UBE2G1: variants seen among roughly 807,000 people sequenced by gnomAD.
The protein encoded by UBE2G1 is ubiquitin conjugating enzyme E2 G1.
In UBE2G1, 5 loss-of-function variants were observed where a neutral mutation model predicts 22.7. That is an observed-to-expected ratio of 0.22 (90% CI 0.12 to 0.46). The LOEUF is 0.46. Among genes scored for constraint, UBE2G1 ranks in the 20% least tolerant of loss-of-function variants. UBE2G1 has a pLI of 0.99. For synonymous variants in UBE2G1, 74 were observed against 67.5 expected (o/e 1.10, Z -0.47); for missense variants, 88 against 203.9 (o/e 0.43, Z 3.46).
intron 5 of UBE2G1, among the ~76,000 whole-genome samples, chr17:4,282,406 G>C (rs1364037092): frequency 6.6e-6 from 1 of 152,116 alleles, no homozygotes; most frequent in East Asian, 1.9e-4. Flanking sequence ...TAAAGGAATA[G>C]GTAGATGACT....
rs112241289 is a variant in UBE2G1, at chr17:4,336,184, T to C, written c.47-29061A>G. Among the ~76,000 whole-genome samples the C allele has an allele frequency of 6.1e-3, 934 of 152,068 alleles. 5 individuals carry two copies. The highest frequency in any genetic ancestry group is 0.022 in the African/African-American group (899 of 41,492). ...AGAAAGAAAACCAAAAGCAAACATATAGATGACAACAAAACAAATACACTA... is the reference window on the plus strand; with the variant it reads ...AGAAAGAAAACCAAAAGCAAACATACAGATGACAACAAAACAAATACACTA... On this transcript the variant is annotated intron_variant, in intron 1 of 5. Transcript: ENST00000396981.
Position 4,300,189 on chromosome 17 carries a change from G to A in UBE2G1, c.150-3375C>T, listed in dbSNP as rs368213497. Among the ~76,000 whole-genome samples, 81 of 151,970 alleles carry A rather than the reference G, an allele frequency of 5.3e-4. 1 individual carries two copies. The South Asian group carries it at 0.016, about 30-fold the overall frequency. ...GAGAAAGCCCAAAACCCATAGAGTA[G>A]AATAACACTGTAGACTACACATTAA... is the stretch of plus-strand genomic sequence containing the variant. On this transcript the variant is annotated intron_variant, in intron 2 of 5. Coordinates refer to ENST00000396981, the MANE Select transcript of UBE2G1 (RefSeq NM_003342.5).
At chr17:4,325,498 G>C (rs1567523845) in intron 1 of UBE2G1, among the ~76,000 whole-genome samples, 2 of 152,136 alleles carry the variant, frequency 1.3e-5, no homozygotes, top group Admixed American at 6.6e-5. Context: ...AAAGACAAAA[G>C]TAAAATAAAG....
intron 1 of UBE2G1, among the ~76,000 whole-genome samples, chr17:4,352,994 G>A (rs1028288314): frequency 1.4e-4 from 22 of 152,156 alleles, no homozygotes; most frequent in African/African-American, 5.1e-4. Flanking sequence ...TGAGACGGAC[G>A]GATCACGAGG....
At chr17:4,335,758 C>T (rs1969638540) in intron 1 of UBE2G1, among the ~76,000 whole-genome samples, 1 of 152,054 alleles carries the variant, frequency 6.6e-6, no homozygotes. Context: ...ACACAACCAC[C>T]AACGGTATCT....
chr17:4,296,903 A>G, intron 2 of UBE2G1, 89 bp from the exon 3 acceptor site: 2 of 1,093,732 alleles, frequency 1.8e-6, no homozygotes, highest in South Asian at 1.4e-5. Flanking sequence ...CAAGGGTGCT[A>G]GCACTAACAT....
Position 4,359,461 on chromosome 17 carries a change from G to C in UBE2G1, c.46+6810C>G, listed in dbSNP as rs113060512. 9.0e-4 allele frequency among the ~76,000 whole-genome samples: 137 copies of C among 152,232 alleles called. 1 individual carries two copies. The highest frequency in any genetic ancestry group is 3.1e-3 in the African/African-American group (129 of 41,544). ...CAAAAATTAACTTGTTGCAAATCTA[G>C]AACATAACTTTATAAAAAGAGGTAT... On this transcript the variant is annotated intron_variant, in intron 1 of 5. Coordinates refer to ENST00000396981, the MANE Select transcript of UBE2G1 (RefSeq NM_003342.5).
intron 1 of UBE2G1, among the ~76,000 whole-genome samples, chr17:4,322,239 TAAGA>T (rs762550550): frequency 1.4e-4 from 22 of 152,252 alleles, no homozygotes; most frequent in African/African-American, 4.8e-4. Flanking sequence ...CTTCTTGACA[TAAGA>T]AAGAAAGAAT....
chr17:4,360,806 G>A (rs185216092), intron 1 of UBE2G1, among the ~76,000 whole-genome samples: 45 of 152,350 alleles, frequency 3.0e-4, no homozygotes, highest in African/African-American at 1.1e-3. Flanking sequence ...AGCTACTGGG[G>A]AGGCTGAGGT....
chr17:4,310,813 G>A (rs991092920), intron 1 of UBE2G1, among the ~76,000 whole-genome samples: 16 of 152,074 alleles, frequency 1.1e-4, no homozygotes, highest in Admixed American at 7.9e-4. Flanking sequence ...AGTGTACCTC[G>A]AGTATATAGT....
intron 3 of UBE2G1, among the ~76,000 whole-genome samples, chr17:4,296,133 C>G (rs1434293768): frequency 6.6e-6 from 1 of 151,780 alleles, no homozygotes; most frequent in Non-Finnish European, 1.5e-5. Flanking sequence ...TGATAATTAT[C>G]CCCTCAATTA....
intron 1 of UBE2G1, chr17:4,364,276 A>G (rs1970004284): frequency 6.9e-6 from 1 of 144,022 alleles, no homozygotes; most frequent in Non-Finnish European, 1.5e-5. Context: ...AAAAAAAAAA[A>G]AAAATGCAAT....
chr17:4,331,138 C>G (rs1969572866), intron 1 of UBE2G1, among the ~76,000 whole-genome samples: 1 of 152,064 alleles, frequency 6.6e-6, no homozygotes, highest in Non-Finnish European at 1.5e-5. Context: ...CACTTTGATA[C>G]AGTTAATAGT....
At chr17:4,280,082 C>A (rs1044555271) in intron 5 of UBE2G1, among the ~76,000 whole-genome samples, 6 of 150,282 alleles carry the variant, frequency 4.0e-5, no homozygotes, top group Admixed American at 1.3e-4. Context: ...GTAGCCCAGG[C>A]TAGAGTGCAG....
At chr17:4,325,535 G>C (rs1370218311) in intron 1 of UBE2G1, among the ~76,000 whole-genome samples, 1 of 152,116 alleles carries the variant, frequency 6.6e-6, no homozygotes, top group Admixed American at 6.6e-5. Flanking sequence ...CTAAACAACT[G>C]AATCTTTTCC....
intron 1 of UBE2G1, among the ~76,000 whole-genome samples, chr17:4,359,721 G>A (rs949749820): frequency 5.3e-5 from 8 of 152,036 alleles, no homozygotes; most frequent in Admixed American, 1.3e-4. Context: ...GGGTGGTGGC[G>A]TGTGCCTGTA....
chr17:4,366,410 G>C lies in UBE2G1; in HGVS notation c.-94C>G. On this transcript the variant is annotated 5_prime_UTR_variant, in exon 1 of 6. Transcript: ENST00000396981. ...TGGAGCGGGGTGTGCCGAGGAACCC[G>C]GGCCCCGCGACCGGAGCGCCGGAGC... The C allele has an allele frequency of 1.6e-6, 2 of 1,276,690 alleles. No individual in the cohort carries two copies. Among genetic ancestry groups the C allele is most frequent in the Admixed American group, 3.8e-5 (1 of 26,242 alleles). The allele number at this position is 1,276,690 out of a possible 1,614,324, so 79.1% of individuals were successfully genotyped here.
At chr17:4,332,341 A>C (rs1266252259) in intron 1 of UBE2G1, among the ~76,000 whole-genome samples, 2 of 152,168 alleles carry the variant, frequency 1.3e-5, no homozygotes, top group Non-Finnish European at 2.9e-5. Context: ...CAGAAACAAA[A>C]AATAAAATAG....
intron 3 of UBE2G1, among the ~76,000 whole-genome samples, chr17:4,290,101 C>T (rs995603741): frequency 6.6e-6 from 1 of 151,952 alleles, no homozygotes; most frequent in Admixed American, 6.6e-5. Flanking sequence ...TAAAATATTA[C>T]TTATTCATTA....
Sources: allele counts gnomAD v4.1 joint callset (sites outside exome capture counted in the v4.1 genomes callset), GRCh38; gene constraint gnomAD v4.1.1; transcripts MANE v1.5; gene names NCBI Gene and HGNC (gene_info 2026-07-23, HGNC 2026-07-21).